SAMD14: variants seen among roughly 807,000 people sequenced by gnomAD.
The protein encoded by SAMD14 is sterile alpha motif domain-containing protein 14.
SAMD14 carries 27 observed loss-of-function variants against 46.2 expected under a neutral mutation model. That is an observed-to-expected ratio of 0.58 (90% CI 0.43 to 0.81). SAMD14 has a LOEUF of 0.81. Ranked by LOEUF, SAMD14 falls within the 30% of genes least tolerant of loss-of-function variation. SAMD14 has a pLI of 0.00. For synonymous variants in SAMD14, 241 were observed against 254.3 expected (o/e 0.95, Z 0.50); for missense variants, 559 against 582.2 (o/e 0.96, Z 0.41).
chr17:50,110,793 A>T lies in SAMD14; in HGVS notation c.*2100T>A. ...GTGCCACCTCCTGAGCCCTCCCAGC[A>T]TGTCCTCACATGCTCATGCCCACCC... On this transcript the variant is annotated 3_prime_UTR_variant, in exon 10 of 10. Transcript: ENST00000330175. 6.6e-6 allele frequency: 1 copy of T among 152,146 alleles called. No individual in the cohort carries two copies. The highest frequency in any genetic ancestry group is 2.4e-5 in the African/African-American group (1 of 41,424). 9.4% of individuals were successfully genotyped at this position (152,146 alleles called of 1,614,324 possible).
intron 2 of SAMD14, 113 bp from the exon 3 acceptor site, chr17:50,118,440 T>G: frequency 7.7e-7 from 1 of 1,302,602 alleles, no homozygotes; most frequent in African/African-American, 1.5e-5. Context: ...ACCCGTGTTC[T>G]TGAGTGCTGG....
Position 50,116,046 on chromosome 17 carries a change from T to A in SAMD14, c.544A>T (p.Ile182Phe), listed in dbSNP as rs1911182758. The change falls in exon 5 of 10, where the codon ATC (isoleucine) becomes TTC (phenylalanine). Residue 182 changes from isoleucine (I) to phenylalanine (F), a missense_variant. Physicochemically the swap from Ile to Phe is conservative, Grantham distance 21 (BLOSUM62 0). Coordinates refer to ENST00000330175, the MANE Select transcript of SAMD14 (RefSeq NM_001257359.2). ...CGGCGAGTCTTCTTATCGAGGCCGA[T>A]GGTGGGGCTGGCGGGCTCAGGAGGA... ...ASPPEPASPTIGLDKKTRRKF... is the reference protein window; with the variant it reads ...ASPPEPASPTFGLDKKTRRKF... The A allele has an allele frequency of 1.2e-6, 2 of 1,613,860 alleles. No individual in the cohort carries two copies. Among genetic ancestry groups the A allele is most frequent in the Admixed American group, 1.7e-5 (1 of 59,986 alleles).
Position 50,115,505 on chromosome 17 carries a change from C to A in SAMD14, c.822+59G>T. On this transcript the variant is annotated intron_variant, in intron 7 of 9. Coordinates refer to ENST00000330175, the MANE Select transcript of SAMD14 (RefSeq NM_001257359.2). This position sits in a 1 kb window ranked among gnomAD's most constrained non-coding sequence, Gnocchi z 5.3. Reference sequence around the variant, plus strand: ...TCCCAGCCTGAGCCAAGGTGAAGTACGCCCTCATGTCACCTGAGACTGGGG... The same window carrying A: ...TCCCAGCCTGAGCCAAGGTGAAGTAAGCCCTCATGTCACCTGAGACTGGGG... The A allele has an allele frequency of 1.3e-6, 2 of 1,487,528 alleles. No homozygotes were observed. The highest frequency in any genetic ancestry group is 1.4e-5 in the South Asian group (1 of 72,786). 92.1% of individuals were successfully genotyped at this position (1,487,528 alleles called of 1,614,324 possible).
intron 3 of SAMD14, 126 bp from the exon 4 acceptor site, chr17:50,117,821 A>C: frequency 9.6e-7 from 1 of 1,039,116 alleles, no homozygotes. Flanking sequence ...GGGTTTCCTC[A>C]TGCCTTAGGC....
rs1910947580 is a variant in SAMD14, at chr17:50,113,041, C to T, written c.1106G>A (p.Gly369Glu). 1 of 1,611,820 alleles carries T rather than the reference C, an allele frequency of 6.2e-7. No homozygotes were observed. The change falls in exon 10 of 10, where the codon GGG (glycine) becomes GAG (glutamate). Residue 369 changes from glycine (G) to glutamate (E), a missense_variant. Physicochemically the swap from Gly to Glu is moderately conservative, Grantham distance 98. Transcript: ENST00000330175. ...QLDGSKLKSLGLSNSHDRALV... is the reference protein window; with the variant it reads ...QLDGSKLKSLELSNSHDRALV... Reference sequence around the variant, plus strand: ...TGCCCGGTCATGAGAGTTGCTGAGCCCCAGGCTCTGGGGAGGAGTCCGGGG... The same window carrying T: ...TGCCCGGTCATGAGAGTTGCTGAGCTCCAGGCTCTGGGGAGGAGTCCGGGG...
At position 50,113,765 on chromosome 17, in the gene SAMD14, T is replaced by C. The variant is rs907700492; in HGVS notation, c.1098+159A>G. The C allele has an allele frequency of 3.0e-5, 22 of 727,560 alleles. No homozygotes were observed. In the African/African-American group the frequency reaches 3.9e-4, roughly 13 times the overall value. The allele number at this position is 727,560 out of a possible 1,614,324, so 45.1% of individuals were successfully genotyped here. ...ACTCAAAAGATTAGACCAAGGACCTTGCCTAGAGGTCAGAGGTCAGGGTGG... is the reference window on the plus strand; with the variant it reads ...ACTCAAAAGATTAGACCAAGGACCTCGCCTAGAGGTCAGAGGTCAGGGTGG... On this transcript the variant is annotated intron_variant, in intron 9 of 9. Transcript: ENST00000330175.
intron 2 of SAMD14, among the ~76,000 whole-genome samples, chr17:50,120,903 T>A (rs1418436264): frequency 6.6e-6 from 1 of 152,188 alleles, no homozygotes; most frequent in Non-Finnish European, 1.5e-5. Context: ...ACTCCTGTTT[T>A]TTTCCTATAT....
chr17:50,113,736 T>C, intron 9 of SAMD14, 188 bp downstream of exon 9: 1 of 628,942 alleles, frequency 1.6e-6, no homozygotes, highest in Non-Finnish European at 2.8e-6. Flanking sequence ...GGATTCATGC[T>C]ACAACTCAAA....
intron 9 of SAMD14, chr17:50,113,325 G>C (rs770034528): frequency 2.4e-5 from 10 of 421,530 alleles, no homozygotes; most frequent in Non-Finnish European, 3.9e-5. Flanking sequence ...CCTTGGCCCG[G>C]ACCTGCCCAA....
chr17:50,119,697 C>T (rs75976954), intron 2 of SAMD14, among the ~76,000 whole-genome samples: 203 of 152,216 alleles, frequency 1.3e-3, no homozygotes, highest in Non-Finnish European at 2.2e-3. Context: ...GTGAAAAGCC[C>T]CCTTGTCCAC....
At position 50,110,305 on chromosome 17, in the gene SAMD14, A is replaced by G. The variant is rs705966; in HGVS notation, c.*2588T>C. The G allele has an allele frequency of 0.14, 63,426 of 449,498 alleles. 6,271 individuals carry two copies. The highest frequency in any genetic ancestry group is 0.36 in the East Asian group (10,221 of 28,342). 27.8% of individuals were successfully genotyped at this position (449,498 alleles called of 1,614,324 possible). On this transcript the variant is annotated 3_prime_UTR_variant, in exon 10 of 10. Transcript: ENST00000330175. The stretch of plus-strand genomic sequence containing the variant: ...GTGGAGACCCCTCGGTGGCCTCCCT[A>G]TCTCTGTGGGCGATGCCTGAGGGTT...
intron 1 of SAMD14, among the ~76,000 whole-genome samples, chr17:50,126,597 G>A (rs1042496315): frequency 2.0e-5 from 3 of 152,002 alleles, no homozygotes; most frequent in Non-Finnish European, 4.4e-5. Context: ...GAGCCACCGC[G>A]CCTGGCCTGG....
intron 2 of SAMD14, chr17:50,123,475 G>T: frequency 6.6e-6 from 1 of 152,454 alleles, no homozygotes; most frequent in Non-Finnish European, 1.5e-5. Context: ...AACAGGGAGA[G>T]GGGTCCCTTG....
In SAMD14 at chr17:50,129,309, G is replaced by A. The variant is rs984622071; in HGVS notation, c.-13+208C>T. 4.6e-4 allele frequency among the ~76,000 whole-genome samples: 70 copies of A among 152,182 alleles called. No homozygotes were observed. Among genetic ancestry groups the A allele is most frequent in the Middle Eastern group, 3.4e-3 (1 of 294 alleles). On this transcript the variant is annotated intron_variant, in intron 1 of 9. Transcript: ENST00000330175. This position sits in a 1 kb window ranked among gnomAD's most constrained non-coding sequence, Gnocchi z 5.6. ...TTTTTATTAATTTCTCCGGGCGTCG[G>A]GCGGGAGGGAGGGGATTAGGGCCAT...
chr17:50,112,952 TCTC>T lies in SAMD14; in HGVS notation c.1192_1194del (p.Glu398del). Reference sequence around the variant, plus strand: ...AGCTTCTCCCGCTGCCGCGCAGCCTTCTCCTGGGCCTTGCGCTCCTTCTCGGCA... The same window carrying T: ...AGCTTCTCCCGCTGCCGCGCAGCCTTCTGGGCCTTGCGCTCCTTCTCGGCA... On this transcript the variant is annotated inframe_deletion, in exon 10 of 10. Coordinates refer to ENST00000330175, the MANE Select transcript of SAMD14 (RefSeq NM_001257359.2). The T allele has an allele frequency of 1.2e-6, 2 of 1,610,802 alleles. No individual in the cohort carries two copies.
intron 4 of SAMD14, 72 bp downstream of exon 4, chr17:50,117,335 G>C: frequency 1.6e-6 from 2 of 1,248,232 alleles, no homozygotes; most frequent in Non-Finnish European, 2.0e-6. Flanking sequence ...CGGCTGCGGT[G>C]CGCGCCGGGA....
Position 50,130,143 on chromosome 17 carries a change from C to T in SAMD14, c.-639G>A, listed in dbSNP as rs928794642. ...AGCGGAGTTGCAGCTACTTCTCTGC[C>T]CGCGGGAGACGCGGCGCACCGGAGT... On this transcript the variant is annotated 5_prime_UTR_variant, in exon 1 of 10. Coordinates refer to ENST00000330175, the MANE Select transcript of SAMD14 (RefSeq NM_001257359.2). This position sits in a 1 kb window ranked among gnomAD's most constrained non-coding sequence, Gnocchi z 4.1. Among the ~76,000 whole-genome samples, 2 of 152,048 alleles carry T rather than the reference C, an allele frequency of 1.3e-5. No individual in the cohort carries two copies. The highest frequency in any genetic ancestry group is 2.9e-5 in the Non-Finnish European group (2 of 67,966).
chr17:50,124,977 A>G lies in SAMD14; in HGVS notation c.-12-6T>C. 1.2e-6 allele frequency: 2 copies of G among 1,613,884 alleles called. No individual in the cohort carries two copies. The highest frequency in any genetic ancestry group is 1.7e-6 in the Non-Finnish European group (2 of 1,179,838). ...GAAGCCATGACTCAAGAGAGCTGGGAAGGACAAGAGGGGAGAGAAAGAAAA... is the reference window on the plus strand; with the variant it reads ...GAAGCCATGACTCAAGAGAGCTGGGGAGGACAAGAGGGGAGAGAAAGAAAA... On this transcript the variant is annotated splice_polypyrimidine_tract_variant and splice_region_variant and intron_variant, in intron 1 of 9. Coordinates refer to ENST00000330175, the MANE Select transcript of SAMD14 (RefSeq NM_001257359.2).
chr17:50,118,235 G>T lies in SAMD14; in HGVS notation c.136C>A (p.Pro46Thr). The change falls in exon 3 of 10, where the codon CCA (proline) becomes ACA (threonine). Residue 46 changes from proline to threonine, a missense_variant. Physicochemically the swap from Pro to Thr is conservative, Grantham distance 38 (BLOSUM62 -1). Transcript: ENST00000330175. ...QLLAKGRRHR[P>T]SRSRLRDSAS... ...CTGTCCCGAAGCCTGGAGCGGGATG[G>T]CCGGTGTCTCCGGCCCTTGGCCAAC... 6.2e-7 allele frequency: 1 copy of T among 1,613,888 alleles called. No individual in the cohort carries two copies. Among genetic ancestry groups the T allele is most frequent in the South Asian group, 1.1e-5 (1 of 91,048 alleles).
Sources: allele counts gnomAD v4.1 joint callset (sites outside exome capture counted in the v4.1 genomes callset), GRCh38; gene constraint gnomAD v4.1.1; non-coding constraint Gnocchi (gnomAD v3.1); transcripts MANE v1.5; gene names NCBI Gene and HGNC (gene_info 2026-07-23, HGNC 2026-07-21).